RFX7: variants seen among roughly 807,000 people sequenced by gnomAD.
The protein encoded by RFX7 is DNA-binding protein RFX7.
Under a neutral mutation model 111.8 loss-of-function variants are expected in RFX7, and 26 were observed. The observed-to-expected ratio is 0.23, with a 90% CI of 0.17 to 0.32. The LOEUF is 0.32. Among genes scored for constraint, RFX7 ranks in the 10% least tolerant of loss-of-function variants. RFX7 has a pLI of 1.00. For synonymous variants in RFX7, 624 were observed against 624.4 expected (o/e 1.00, Z 0.01); for missense variants, 1,573 against 1,772.9 (o/e 0.89, Z 2.02).
At chr15:56,185,182 T>G (rs1782681151) in intron 2 of RFX7, among the ~76,000 whole-genome samples, 1 of 152,212 alleles carries the variant, frequency 6.6e-6, no homozygotes, top group Admixed American at 6.5e-5. Flanking sequence ...TATTTACTTT[T>G]AAATATTTTG....
At chr15:56,136,420 C>G (rs1377194819) in intron 5 of RFX7, among the ~76,000 whole-genome samples, 9 of 145,792 alleles carry the variant, frequency 6.2e-5, no homozygotes, top group African/African-American at 1.8e-4. Flanking sequence ...CTCTGTTTGT[C>G]TGTTGCTGGT....
At position 56,093,460 on chromosome 15, in the gene RFX7, A is replaced by C; in HGVS notation, c.4268T>G (p.Leu1423Ter). 1 of 1,613,842 alleles carries C rather than the reference A, an allele frequency of 6.2e-7. No homozygotes were observed. The highest frequency in any genetic ancestry group is 8.5e-7 in the Non-Finnish European group (1 of 1,179,800). Residue 1423 changes from leucine to a stop codon, truncating the protein, a stop_gained, in exon 10 of 10, where the codon TTA (leucine) becomes TGA (stop). Transcript: ENST00000559447. LOFTEE classifies it high-confidence loss of function. The part of the protein sequence containing the change: ...GQDDEATLEE[L>*]KNDPLFQQIC... The stretch of plus-strand genomic sequence containing the variant: ...TTGTTGAAATAATGGGTCATTCTTT[A>C]ATTCTTCCAGTGTAGCTTCATCATC...
At chr15:56,239,415 G>T (rs1414341126) in intron 2 of RFX7, among the ~76,000 whole-genome samples, 1 of 151,602 alleles carries the variant, frequency 6.6e-6, no homozygotes, top group African/African-American at 2.4e-5. Context: ...ATTACAGGTG[G>T]GCACCACCAC....
intron 8 of RFX7, among the ~76,000 whole-genome samples, chr15:56,101,139 C>G (rs2140525163): frequency 6.6e-6 from 1 of 152,104 alleles, no homozygotes; most frequent in African/African-American, 2.4e-5. Flanking sequence ...CATATGCCAG[C>G]AAAGCAATAT....
At chr15:56,210,001 C>A (rs1434634539) in intron 2 of RFX7, among the ~76,000 whole-genome samples, 1 of 151,628 alleles carries the variant, frequency 6.6e-6, no homozygotes, top group African/African-American at 2.4e-5. Flanking sequence ...CTTTGAATGT[C>A]AATGGTCTAA....
At chr15:56,233,868 G>A (rs373591569) in intron 2 of RFX7, among the ~76,000 whole-genome samples, 9 of 151,950 alleles carry the variant, frequency 5.9e-5, no homozygotes, top group South Asian at 2.1e-4. Flanking sequence ...CTTGTACATC[G>A]AAACTTAACA....
At chr15:56,117,122 T>C (rs1031557025) in intron 5 of RFX7, among the ~76,000 whole-genome samples, 1 of 152,134 alleles carries the variant, frequency 6.6e-6, no homozygotes, top group Non-Finnish European at 1.5e-5. Context: ...TTGTAAAGAT[T>C]TGTCAAGCTG....
chr15:56,205,512 CATT>C (rs2043241011), intron 2 of RFX7, among the ~76,000 whole-genome samples: 1 of 152,190 alleles, frequency 6.6e-6, no homozygotes. Context: ...CTTTCACTCT[CATT>C]ATGTTGACAC....
chr15:56,101,202 C>G (rs553771289), intron 8 of RFX7, among the ~76,000 whole-genome samples, 157 bp downstream of exon 8: 1 of 152,064 alleles, frequency 6.6e-6, no homozygotes, highest in African/African-American at 2.4e-5. Flanking sequence ...TTTCTTGGCT[C>G]AACAGACCCA....
chr15:56,106,960 G>A (rs1336109425), intron 5 of RFX7, among the ~76,000 whole-genome samples: 1 of 152,032 alleles, frequency 6.6e-6, no homozygotes, highest in Admixed American at 6.5e-5. Context: ...ACTCAAAAAA[G>A]GGTGAGGAAC....
intron 2 of RFX7, among the ~76,000 whole-genome samples, chr15:56,180,952 C>A (rs1309033143): frequency 2.6e-5 from 4 of 151,982 alleles, no homozygotes. Flanking sequence ...GTAATTATTT[C>A]TTGTCTAAGG....
In RFX7 at chr15:56,088,558, A is replaced by G. The variant is rs554871281; in HGVS notation, c.*4787T>C. The G allele has an allele frequency of 6.6e-6, 1 of 152,330 alleles. No individual in the cohort carries two copies. The highest frequency in any genetic ancestry group is 6.5e-5 in the Admixed American group (1 of 15,294). 9.4% of individuals were successfully genotyped at this position (152,330 alleles called of 1,614,324 possible). A position where few individuals can be genotyped will look rare whatever the true frequency, so the allele number is the denominator to read the frequency against. On this transcript the variant is annotated 3_prime_UTR_variant, in exon 10 of 10. Transcript: ENST00000559447. ...TTTTGTTCTTTTTTCTAAGCAGATTATAGCAACAAGACTGGCATACATATT... is the reference window on the plus strand; with the variant it reads ...TTTTGTTCTTTTTTCTAAGCAGATTGTAGCAACAAGACTGGCATACATATT...
At chr15:56,243,065 C>CCCCCA in intron 2 of RFX7, 60 bp downstream of exon 2, 1 of 1,152,182 alleles carries the variant, frequency 8.7e-7, no homozygotes, top group Non-Finnish European at 1.2e-6. Context: ...CGCCCCCCAC[C>CCCCCA]CACTTTGCAG....
intron 2 of RFX7, among the ~76,000 whole-genome samples, chr15:56,199,808 T>G (rs1342503574): frequency 6.6e-6 from 1 of 152,152 alleles, no homozygotes; most frequent in Non-Finnish European, 1.5e-5. Context: ...AAAATAAAGA[T>G]TCAACATTTA....
chr15:56,210,592 T>C (rs551764158), intron 2 of RFX7, among the ~76,000 whole-genome samples: 97 of 152,148 alleles, frequency 6.4e-4, no homozygotes, highest in African/African-American at 2.3e-3. Context: ...TTTTTAAAAA[T>C]AGAAATTATA....
At chr15:56,199,221 A>G (rs1195873440) in intron 2 of RFX7, among the ~76,000 whole-genome samples, 1 of 152,192 alleles carries the variant, frequency 6.6e-6, no homozygotes, top group Non-Finnish European at 1.5e-5. Context: ...GTTAATCAGT[A>G]TTTACTTAAG....
chr15:56,243,907 A>G (rs1345736598), upstream of RFX7: 1 of 148,762 alleles, frequency 6.7e-6, no homozygotes, highest in African/African-American at 2.4e-5. Context: ...AGACCGCACA[A>G]CACCTACCGC....
Position 56,243,186 on chromosome 15 carries a change from C to G in RFX7, c.100G>C (p.Val34Leu). The change falls in exon 2 of 10, where the codon GTG becomes CTG. Residue 34 changes from valine to leucine, a missense_variant. This residue lies in a region of RFX7 where 191 missense variants were observed against 194.2 expected (regional missense o/e 0.98). Coordinates refer to ENST00000559447, the MANE Select transcript of RFX7 (RefSeq NM_022841.7). The stretch of plus-strand genomic sequence containing the variant: ...GCCTCTGTCCCTGGCAGCCCGGGCA[C>G]AAGGGCTGGCAGGGCCACCCCCGAG... ...PNSGVALPAL[V>L]PGLPGTEASA... 1.5e-6 allele frequency: 2 copies of G among 1,351,520 alleles called. No individual in the cohort carries two copies. Among genetic ancestry groups the G allele is most frequent in the Non-Finnish European group, 2.0e-6 (2 of 1,014,896 alleles). 83.7% of individuals were successfully genotyped at this position (1,351,520 alleles called of 1,614,324 possible).
chr15:56,216,044 T>C (rs999939158), intron 2 of RFX7, among the ~76,000 whole-genome samples: 9 of 152,204 alleles, frequency 5.9e-5, no homozygotes, highest in Non-Finnish European at 1.2e-4. Context: ...TTATGAACTA[T>C]GTTCTGAAGT....
Sources: gnomAD v4.1 joint callset for allele counts (sites outside exome capture counted in the v4.1 genomes callset) on GRCh38, gnomAD v4.1.1 for gene constraint, gnomAD v4.1.1 regional missense constraint, MANE v1.5 for transcripts, NCBI Gene and HGNC (gene_info 2026-07-23, HGNC 2026-07-21) for gene names.